ABCA8: variants seen among roughly 807,000 people sequenced by gnomAD.
The protein encoded by ABCA8 is ABC-type organic anion transporter ABCA8.
ABCA8 carries 177 observed loss-of-function variants against 192.3 expected under a neutral mutation model. The ratio of observed to expected loss-of-function variants is 0.92; its 90% CI spans 0.81 to 1.04. The LOEUF is 1.04. Ranked by LOEUF, ABCA8 falls within the 50% of genes least tolerant of loss-of-function variation. The pLI, the probability that ABCA8 is intolerant of heterozygous loss-of-function variation, is 0.00. For synonymous variants in ABCA8, 642 were observed against 690.2 expected (o/e 0.93, Z 1.09); for missense variants, 1,915 against 1,904.8 (o/e 1.01, Z -0.10).
chr17:68,920,242 G>T (rs760844060), intron 13 of ABCA8, among the ~76,000 whole-genome samples: 1 of 152,040 alleles, frequency 6.6e-6, no homozygotes, highest in Non-Finnish European at 1.5e-5. Context: ...AGACACTGGG[G>T]TCTACTTGAT....
At chr17:68,938,462 G>A (rs913185539) in intron 4 of ABCA8, among the ~76,000 whole-genome samples, 6 of 152,266 alleles carry the variant, frequency 3.9e-5, no homozygotes, top group African/African-American at 1.2e-4. Context: ...CAGGCTTCCA[G>A]TGACTTGGTG....
At chr17:68,906,383 C>T (rs2067068323) in intron 18 of ABCA8, among the ~76,000 whole-genome samples, 1 of 152,086 alleles carries the variant, frequency 6.6e-6, no homozygotes, top group South Asian at 2.1e-4. Context: ...CTTTGTCAAA[C>T]ATTAATTTAT....
rs368482088 is a variant in ABCA8, at chr17:68,919,371, A to C, written c.1718T>G (p.Leu573Arg). 6.2e-7 allele frequency: 1 copy of C among 1,613,968 alleles called. No homozygotes were observed. Among genetic ancestry groups the C allele is most frequent in the Non-Finnish European group, 8.5e-7 (1 of 1,180,006 alleles). Residue 573 changes from leucine (L) to arginine (R), a missense_variant, in exon 14 of 40, where the codon CTC (leucine) becomes CGC (arginine). Transcript: ENST00000586539. ...GAGTCTGAGGTTTTCTCTTACAGTGAGGAAGTCAAATTGCACATTGGATTG... is the reference window on the plus strand; with the variant it reads ...GAGTCTGAGGTTTTCTCTTACAGTGCGGAAGTCAAATTGCACATTGGATTG... The part of the protein sequence containing the change: ...CPQSNVQFDF[L>R]TVRENLRLFA...
At chr17:68,952,993 C>T (rs2068612036) in intron 1 of ABCA8, among the ~76,000 whole-genome samples, 1 of 152,166 alleles carries the variant, frequency 6.6e-6, no homozygotes, top group Admixed American at 6.5e-5. Flanking sequence ...GAAGATAATT[C>T]AGTGCATAAT....
At chr17:68,899,745 T>G (rs1279697938) in intron 21 of ABCA8, among the ~76,000 whole-genome samples, 2 of 152,086 alleles carry the variant, frequency 1.3e-5, no homozygotes, top group East Asian at 3.8e-4. Flanking sequence ...GGTTGAAATT[T>G]TATAAACTAT....
intron 2 of ABCA8, among the ~76,000 whole-genome samples, chr17:68,947,370 G>A (rs1321987860): frequency 2.6e-5 from 4 of 152,134 alleles, no homozygotes. Flanking sequence ...TATTTTACTT[G>A]GGATTGTGTA....
chr17:68,931,950 C>T (rs2067897440), intron 7 of ABCA8: 2 of 192,928 alleles, frequency 1.0e-5, no homozygotes, highest in Non-Finnish European at 2.2e-5. Flanking sequence ...GTGGCTCGCG[C>T]CTGTAATCCC....
chr17:68,891,632 G>T, intron 23 of ABCA8, 36 bp from the exon 24 acceptor site: 1 of 1,462,938 alleles, frequency 6.8e-7, no homozygotes, highest in Non-Finnish European at 9.4e-7. Context: ...ACTGAATGAA[G>T]AAATTTAAAG....
chr17:68,924,937 G>A, intron 10 of ABCA8, 68 bp from the exon 11 acceptor site: 3 of 1,518,940 alleles, frequency 2.0e-6, no homozygotes, highest in South Asian at 1.2e-5. Context: ...TCACAGTAAT[G>A]TAGCACGGCA....
chr17:68,913,017 A>AT (rs577756009), intron 17 of ABCA8, among the ~76,000 whole-genome samples: 196 of 151,876 alleles, frequency 1.3e-3, no homozygotes, highest in Middle Eastern at 0.01. Flanking sequence ...CAAGACTTAA[A>AT]TTTTTTTTTC....
At position 68,869,768 on chromosome 17, in the gene ABCA8, A is replaced by G. The variant is rs377751712; in HGVS notation, c.4643T>C (p.Leu1548Pro). 2.2e-5 allele frequency: 36 copies of G among 1,612,104 alleles called. No individual in the cohort carries two copies. The highest frequency in any genetic ancestry group is 2.9e-5 in the Non-Finnish European group (34 of 1,178,384). ...QAARQERYSS[L>P]MVYKLPVEDV... ...TTCCACTGGCAACTTATAAACCATC[A>G]GAGAGGAGTACCTGAGAGAAAAGGA... Residue 1548 changes from leucine to proline, a missense_variant, in exon 38 of 40, where the codon CTG (leucine) becomes CCG (proline). Transcript: ENST00000586539.
intron 24 of ABCA8, among the ~76,000 whole-genome samples, chr17:68,887,906 A>ATATATC (rs370830810): frequency 1.6e-5 from 1 of 60,874 alleles, no homozygotes; most frequent in East Asian, 7.4e-4. Flanking sequence ...ATATATATAT[A>ATATATC]TCCATATATA....
At position 68,887,384 on chromosome 17, in the gene ABCA8, G is replaced by A; in HGVS notation, c.3267C>T (p.Tyr1089=). The A allele has an allele frequency of 1.2e-6, 2 of 1,612,498 alleles. No homozygotes were observed. Among genetic ancestry groups the A allele is most frequent in the South Asian group, 1.1e-5 (1 of 90,736 alleles). Residue 1089 remains tyrosine (Y), a synonymous_variant, in exon 25 of 40, where the codon TAC becomes TAT. Transcript: ENST00000586539. ...LVFVFIYLMS[Y]ISNFEDMLLT... is the part of the protein sequence containing the mutation. Reference sequence around the variant, plus strand: ...GTAGCATGTCTTCGAAGTTTGAAATGTAGCTCATTAAATATATAAAAACGA... The same window carrying A: ...GTAGCATGTCTTCGAAGTTTGAAATATAGCTCATTAAATATATAAAAACGA...
intron 21 of ABCA8, 83 bp downstream of exon 21, chr17:68,902,630 C>T: frequency 1.7e-6 from 2 of 1,183,550 alleles, no homozygotes; most frequent in Non-Finnish European, 2.3e-6. Context: ...AAGTGAAAAG[C>T]TATTTTCTTT....
At position 68,902,707 on chromosome 17, in the gene ABCA8, T is replaced by C. The variant is rs1179192416; in HGVS notation, c.2764+6A>G. 6.2e-7 allele frequency: 1 copy of C among 1,609,222 alleles called. No individual in the cohort carries two copies. Among genetic ancestry groups the C allele is most frequent in the South Asian group, 1.1e-5 (1 of 90,758 alleles). ...GTATTTGGAAATCAAGTATCCACCA[T>C]TTTACCTGTTTTATTGATGATCAGT... On this transcript the variant is annotated splice_donor_region_variant and intron_variant, in intron 21 of 39. Coordinates refer to ENST00000586539, the MANE Select transcript of ABCA8 (RefSeq NM_001288985.2).
chr17:68,923,912 G>T (rs2067616607), intron 11 of ABCA8, among the ~76,000 whole-genome samples: 1 of 152,132 alleles, frequency 6.6e-6, no homozygotes, highest in Non-Finnish European at 1.5e-5. Flanking sequence ...TGGACATTTT[G>T]TTGTCACACA....
Position 68,911,919 on chromosome 17 carries a change from T to G in ABCA8, c.2139-4040A>C, listed in dbSNP as rs1212201819. Among the ~76,000 whole-genome samples the G allele has an allele frequency of 1.3e-5, 2 of 152,182 alleles. No individual in the cohort carries two copies. Among genetic ancestry groups the G allele is most frequent in the Non-Finnish European group, 2.9e-5 (2 of 68,036 alleles). On this transcript the variant is annotated intron_variant, in intron 17 of 39. Coordinates refer to ENST00000586539, the MANE Select transcript of ABCA8 (RefSeq NM_001288985.2). This position sits in a 1 kb window ranked among gnomAD's most constrained non-coding sequence, Gnocchi z 5.7. ...GGGTGCCCCCTAGTGCTGATACAGC[T>G]GCAGTGACCAAAGACTTAGACCATA... is the stretch of plus-strand genomic sequence containing the variant.
At chr17:68,906,650 T>G (rs912759403) in intron 18 of ABCA8, among the ~76,000 whole-genome samples, 2 of 152,110 alleles carry the variant, frequency 1.3e-5, no homozygotes, top group Non-Finnish European at 2.9e-5. Flanking sequence ...ACATAGAATA[T>G]AAACCATTAA....
In ABCA8 at chr17:68,876,959, C is replaced by G. The variant is rs143453865; in HGVS notation, c.4200-256G>C. On this transcript the variant is annotated intron_variant, in intron 33 of 39. Transcript: ENST00000586539. ...ATGACAGTCCAAATTTTAGTATTTTCTATACATTTTAGCAATGAATAATTA... is the reference window on the plus strand; with the variant it reads ...ATGACAGTCCAAATTTTAGTATTTTGTATACATTTTAGCAATGAATAATTA... Among the ~76,000 whole-genome samples the G allele has an allele frequency of 3.5e-3, 532 of 152,150 alleles. 4 individuals carry two copies. Among genetic ancestry groups the G allele is most frequent in the African/African-American group, 0.013 (519 of 41,510 alleles).
Sources: gnomAD v4.1 joint callset for allele counts (sites outside exome capture counted in the v4.1 genomes callset) on GRCh38, gnomAD v4.1.1 for gene constraint, Gnocchi (gnomAD v3.1) non-coding constraint, MANE v1.5 for transcripts, NCBI Gene and HGNC (gene_info 2026-07-23, HGNC 2026-07-21) for gene names.